ZBBX: variants seen among roughly 807,000 people sequenced by gnomAD.
ZBBX encodes the protein zinc finger B-box domain-containing protein 1.
In ZBBX, 101 loss-of-function variants were observed where a neutral mutation model predicts 108.5. That is an observed-to-expected ratio of 0.93 (90% CI 0.79 to 1.10). The LOEUF is 1.10. Among genes scored for constraint, ZBBX ranks in the 50% least tolerant of loss-of-function variants. The probability of loss-of-function intolerance (pLI) is 0.00; values close to 1 mark genes in which losing one functional copy is unlikely to be tolerated. For synonymous variants in ZBBX, 356 were observed against 323.4 expected (o/e 1.10, Z -1.08); for missense variants, 1,009 against 941.4 (o/e 1.07, Z -0.94).
At chr3:167,305,398 G>T (rs1270131845) in intron 17 of ZBBX, among the ~76,000 whole-genome samples, 1 of 151,870 alleles carries the variant, frequency 6.6e-6, no homozygotes, top group Non-Finnish European at 1.5e-5. Flanking sequence ...GCATAAGGTG[G>T]GCCTTAAAGT....
At chr3:167,342,260 T>C (rs1166405699) in intron 9 of ZBBX, among the ~76,000 whole-genome samples, 5 of 151,764 alleles carry the variant, frequency 3.3e-5, no homozygotes, top group Non-Finnish European at 7.4e-5. Flanking sequence ...TGAGATAACA[T>C]AGGTAGCACC....
intron 3 of ZBBX, 37 bp from the exon 4 acceptor site, chr3:167,372,987 G>T (rs1164258662): frequency 1.0e-6 from 1 of 1,000,238 alleles, no homozygotes; most frequent in African/African-American, 1.6e-5. Flanking sequence ...TTATGGCAGA[G>T]GTGAAGCAGT....
At chr3:167,306,009 T>A (rs1204679997) in intron 16 of ZBBX, 59 bp from the exon 17 acceptor site, 2 of 1,337,722 alleles carry the variant, frequency 1.5e-6, no homozygotes, top group Non-Finnish European at 2.0e-6. Context: ...ATAATTAAAC[T>A]GTTAATAAAC....
chr3:167,356,644 T>C (rs1422112680), intron 8 of ZBBX, among the ~76,000 whole-genome samples: 1 of 152,180 alleles, frequency 6.6e-6, no homozygotes, highest in Admixed American at 6.6e-5. Flanking sequence ...ATGTCTATAT[T>C]ATGAAATAGT....
chr3:167,306,573 CTT>C (rs1733684955), intron 16 of ZBBX, among the ~76,000 whole-genome samples: 1 of 152,018 alleles, frequency 6.6e-6, no homozygotes, highest in Non-Finnish European at 1.5e-5. Context: ...TGAAGGCACT[CTT>C]TAAAATTGTC....
At chr3:167,357,789 A>G in intron 8 of ZBBX, among the ~76,000 whole-genome samples, 1 of 152,128 alleles carries the variant, frequency 6.6e-6, no homozygotes, top group Non-Finnish European at 1.5e-5. Flanking sequence ...ATGTCCAACA[A>G]TGATAGACTG....
intron 16 of ZBBX, among the ~76,000 whole-genome samples, chr3:167,309,157 A>G (rs1436132447): frequency 6.6e-6 from 1 of 152,182 alleles, no homozygotes; most frequent in Non-Finnish European, 1.5e-5. Flanking sequence ...CTGAGATGCT[A>G]CTCTGGGTAC....
chr3:167,296,777 T>C (rs1300943449), intron 18 of ZBBX, among the ~76,000 whole-genome samples: 1 of 151,916 alleles, frequency 6.6e-6, no homozygotes, highest in African/African-American at 2.4e-5. Context: ...GAAGAGTTAA[T>C]AGTGGTAAGG....
the ZBBX span, among the ~76,000 whole-genome samples, chr3:167,223,343 A>G: frequency 6.6e-6 from 1 of 152,024 alleles, no homozygotes; most frequent in Non-Finnish European, 1.5e-5. Context: ...CTGCAAACAC[A>G]GTAGGTCTTC....
At chr3:167,327,014 A>C (rs1737507399) in intron 11 of ZBBX, among the ~76,000 whole-genome samples, 2 of 151,970 alleles carry the variant, frequency 1.3e-5, no homozygotes, top group Non-Finnish European at 2.9e-5. Context: ...CAAGATTCTG[A>C]GTAATAAAAT....
chr3:167,298,224 G>C (rs1732004856), intron 18 of ZBBX, 81 bp downstream of exon 18: 1 of 1,138,240 alleles, frequency 8.8e-7, no homozygotes, highest in African/African-American at 1.6e-5. Flanking sequence ...AGAAGAAAAT[G>C]ATTTTATCCA....
chr3:167,335,952 G>T (rs988315593), intron 9 of ZBBX, among the ~76,000 whole-genome samples: 1 of 151,864 alleles, frequency 6.6e-6, no homozygotes, highest in African/African-American at 2.4e-5. Flanking sequence ...CACTCTTTCA[G>T]AAACATCTGT....
intron 16 of ZBBX, among the ~76,000 whole-genome samples, chr3:167,312,644 C>A (rs1329307875): frequency 6.6e-6 from 1 of 152,186 alleles, no homozygotes; most frequent in Non-Finnish European, 1.5e-5. Context: ...GTAACAATTA[C>A]ATGGGCATTT....
At chr3:167,269,582 G>A (rs1177039276) in intron 20 of ZBBX, among the ~76,000 whole-genome samples, 1 of 152,180 alleles carries the variant, frequency 6.6e-6, no homozygotes, top group African/African-American at 2.4e-5. Context: ...CAGAGGAAGT[G>A]GTGAGGAGGA....
At chr3:167,317,342 C>T (rs985539169) in intron 13 of ZBBX, 146 bp downstream of exon 13, 4 of 669,274 alleles carry the variant, frequency 6.0e-6, no homozygotes, top group Admixed American at 3.4e-5. Flanking sequence ...AGTGAGTGTA[C>T]ATGATTTTCA....
At chr3:167,212,148 T>A in the ZBBX span, among the ~76,000 whole-genome samples, 1 of 152,194 alleles carries the variant, frequency 6.6e-6, no homozygotes. Flanking sequence ...CCATCTTTGC[T>A]GTTTTGCAGC....
intron 21 of ZBBX, 29 bp downstream of exon 21, chr3:167,242,476 T>TA: frequency 6.4e-7 from 1 of 1,572,482 alleles, no homozygotes; most frequent in Non-Finnish European, 8.6e-7. Flanking sequence ...ACATACTATA[T>TA]TAATAAATAA....
chr3:167,252,102 T>G (rs1167150677), intron 20 of ZBBX: 2 of 1,266,894 alleles, frequency 1.6e-6, no homozygotes, highest in East Asian at 5.6e-5. Flanking sequence ...CACAGCAATT[T>G]GAATCAAAGG....
At chr3:167,260,583 T>G (rs1724325224) in intron 20 of ZBBX, among the ~76,000 whole-genome samples, 1 of 152,200 alleles carries the variant, frequency 6.6e-6, no homozygotes, top group African/African-American at 2.4e-5. Flanking sequence ...ACCTTGTCTT[T>G]GAGCTTCAAA....
Sources: gnomAD v4.1 joint callset for allele counts (sites outside exome capture counted in the v4.1 genomes callset) on GRCh38, gnomAD v4.1.1 for gene constraint, MANE v1.5 for transcripts, NCBI Gene and HGNC (gene_info 2026-07-23, HGNC 2026-07-21) for gene names.